The following GLT8D2 variants were observed in gnomAD, a reference collection of about 807,000 sequenced individuals.
The protein encoded by GLT8D2 is glycosyltransferase 8 domain-containing protein 2.
GLT8D2 carries 45 observed loss-of-function variants against 44.5 expected under a neutral mutation model. That is an observed-to-expected ratio of 1.01 (90% confidence interval 0.80 to 1.30). GLT8D2 has a LOEUF of 1.30. Ranked by LOEUF, GLT8D2 falls within the 50% of genes most tolerant of loss-of-function variation. The probability of loss-of-function intolerance (pLI) is 0.00; values close to 1 mark genes in which losing one functional copy is unlikely to be tolerated. For synonymous variants in GLT8D2, 156 were observed against 157.2 expected, an observed-to-expected ratio of 0.99 and a Z score of 0.06; for missense variants, 400 against 430.4, an observed-to-expected ratio of 0.93 and a Z score of 0.62.
intron 1 of GLT8D2, among the ~76,000 whole-genome samples, chr12:104,058,626 C>T (rs531376878): frequency 1.3e-5 from 2 of 152,192 alleles, no homozygotes; most frequent in South Asian, 4.1e-4. Flanking sequence ...TGACCAAGGC[C>T]ATACAACTAG....
At chr12:104,026,061 T>G (rs1401347098) in intron 1 of GLT8D2, among the ~76,000 whole-genome samples, 1 of 152,036 alleles carries the variant, frequency 6.6e-6, no homozygotes, top group African/African-American at 2.4e-5. Context: ...GGCGGATCAC[T>G]TCAGGCCAGG....
chr12:104,026,246 T>G (rs900498284), intron 1 of GLT8D2, among the ~76,000 whole-genome samples: 11 of 142,538 alleles, frequency 7.7e-5, no homozygotes, highest in African/African-American at 2.9e-4. Context: ...ACCACTGCCC[T>G]CCAGCTTGGG....
At chr12:104,029,023 G>C (rs527887633) in intron 1 of GLT8D2, among the ~76,000 whole-genome samples, 1 of 152,298 alleles carries the variant, frequency 6.6e-6, no homozygotes, top group African/African-American at 2.4e-5. Flanking sequence ...TGGGCTCAGT[G>C]GCTCACGCCT....
At chr12:104,041,064 C>T (rs957870233) in intron 1 of GLT8D2, among the ~76,000 whole-genome samples, 2 of 151,624 alleles carry the variant, frequency 1.3e-5, no homozygotes, top group African/African-American at 4.8e-5. Context: ...GTCAGGAGTT[C>T]GAGACCAGCC....
intron 4 of GLT8D2, among the ~76,000 whole-genome samples, chr12:104,003,912 C>T (rs1468246084): frequency 6.6e-6 from 1 of 152,086 alleles, no homozygotes; most frequent in Non-Finnish European, 1.5e-5. Flanking sequence ...GAATAAAATG[C>T]TGAAATGATG....
intron 1 of GLT8D2, among the ~76,000 whole-genome samples, chr12:104,027,923 C>A (rs1449719398): frequency 6.6e-6 from 1 of 152,174 alleles, no homozygotes; most frequent in Non-Finnish European, 1.5e-5. Context: ...ACAGATTTCA[C>A]CGTGTGTTGA....
chr12:104,018,128 C>T (rs999734599), intron 3 of GLT8D2, among the ~76,000 whole-genome samples: 1 of 151,936 alleles, frequency 6.6e-6, no homozygotes, highest in African/African-American at 2.4e-5. Flanking sequence ...TATCACCACA[C>T]CTGGCTAATT....
intron 1 of GLT8D2, among the ~76,000 whole-genome samples, chr12:104,034,136 T>C (rs141977425): frequency 2.2e-3 from 337 of 152,360 alleles, no homozygotes; most frequent in African/African-American, 7.7e-3. Context: ...AAGAACATGC[T>C]TACTTCCTTA....
At chr12:103,998,429 A>T (rs1445961683) in intron 6 of GLT8D2, among the ~76,000 whole-genome samples, 1 of 151,392 alleles carries the variant, frequency 6.6e-6, no homozygotes, top group Non-Finnish European at 1.5e-5. Flanking sequence ...TTTTTTTTTG[A>T]GACGGAGTCT....
chr12:104,016,761 AAGAAAG>A (rs1876765812), intron 3 of GLT8D2, among the ~76,000 whole-genome samples: 3 of 102,810 alleles, frequency 2.9e-5, no homozygotes, highest in Non-Finnish European at 6.2e-5. Context: ...GAAAGAAAGA[AAGAAAG>A]AAAGAAAGAA....
At chr12:104,051,190 A>G (rs552442751), upstream of GLT8D2, among the ~76,000 whole-genome samples, 28 of 151,682 alleles carry the variant, frequency 1.8e-4, no homozygotes, top group Middle Eastern at 3.4e-3. Context: ...GCGTGATCAC[A>G]GCTCACTGCA....
rs1877601606 is a variant in GLT8D2, at chr12:104,021,347, AG to A, written c.-29+9del. 6.6e-6 allele frequency: 1 copy of A among 152,312 alleles called. No homozygotes were observed. Among genetic ancestry groups the A allele is most frequent in the Non-Finnish European group, 1.5e-5 (1 of 68,132 alleles). 9.4% of individuals were successfully genotyped at this position (152,312 alleles called of 1,614,324 possible). ...TTATTAGAGGAAAAGGAAAAGTCCA[AG>A]TCACTTACCCTGGAGAACTTCCTTT... On this transcript the variant is annotated intron_variant, in intron 2 of 10. Transcript: ENST00000360814.
intron 1 of GLT8D2, among the ~76,000 whole-genome samples, chr12:104,056,253 A>C (rs1882176247): frequency 6.6e-6 from 1 of 152,040 alleles, no homozygotes; most frequent in South Asian, 2.1e-4. Context: ...TGTTTCCCTC[A>C]CCTTGGCAAC....
chr12:103,989,784 A>G (rs1872486385), intron 10 of GLT8D2, among the ~76,000 whole-genome samples: 2 of 152,228 alleles, frequency 1.3e-5, no homozygotes, highest in South Asian at 2.1e-4. Context: ...TTTGACCTGT[A>G]TGCATGTATA....
At chr12:104,009,939 CT>C (rs987857126) in intron 4 of GLT8D2, among the ~76,000 whole-genome samples, 2 of 152,076 alleles carry the variant, frequency 1.3e-5, no homozygotes, top group South Asian at 2.1e-4. Flanking sequence ...AATTAAACCT[CT>C]TTTTTTCCTC....
intron 1 of GLT8D2, among the ~76,000 whole-genome samples, chr12:104,033,898 A>T (rs73177963): frequency 0.26 from 39,723 of 151,330 alleles, 6,288 homozygotes; most frequent in Non-Finnish European, 0.34. Flanking sequence ...GCTCATTGTA[A>T]CCTTGAGCTC....
intron 5 of GLT8D2, among the ~76,000 whole-genome samples, chr12:104,000,941 T>A (rs1874132219): frequency 6.6e-6 from 1 of 152,200 alleles, no homozygotes; most frequent in African/African-American, 2.4e-5. Context: ...AGTATGCAAA[T>A]ATATTCTCCT....
intron 4 of GLT8D2, among the ~76,000 whole-genome samples, chr12:104,009,013 G>A (rs974133456): frequency 1.3e-5 from 2 of 152,254 alleles, no homozygotes; most frequent in South Asian, 2.1e-4. Flanking sequence ...CCTCATGGAG[G>A]ACCTCTGCTA....
intron 1 of GLT8D2, among the ~76,000 whole-genome samples, chr12:104,036,029 A>G (rs1249813750): frequency 6.6e-6 from 1 of 152,196 alleles, no homozygotes; most frequent in East Asian, 1.9e-4. Context: ...ATTCTTAAAG[A>G]AAAGAATTTT....
Sources: allele counts gnomAD v4.1 joint callset (sites outside exome capture counted in the v4.1 genomes callset), GRCh38; gene constraint gnomAD v4.1.1; transcripts MANE v1.5; gene names NCBI Gene and HGNC (gene_info 2026-07-23, HGNC 2026-07-21).